Variants in NCAM1 observed in about 807,000 individuals in gnomAD.
NCAM1 encodes the protein antigen recognized by monoclonal antibody 5.1H11.
NCAM1 carries 14 observed loss-of-function variants against 109.8 expected under a neutral mutation model. The ratio of observed to expected loss-of-function variants is 0.13; its 90% CI spans 0.08 to 0.20. The LOEUF is 0.20. Ranked by LOEUF, NCAM1 falls within the 10% of genes least tolerant of loss-of-function variation. NCAM1 has a pLI of 1.00. For synonymous variants in NCAM1, 418 were observed against 442.9 expected (o/e 0.94, Z 0.70); for missense variants, 774 against 1,109.9 (o/e 0.70, Z 4.30).
chr11:113,079,841 A>G (rs1555086845), intron 1 of NCAM1, among the ~76,000 whole-genome samples: 1 of 152,174 alleles, frequency 6.6e-6, no homozygotes, highest in Non-Finnish European at 1.5e-5. Flanking sequence ...CCACTGTAAT[A>G]TAATAAAACT....
At chr11:113,183,222 T>G (rs1943387279) in intron 1 of NCAM1, among the ~76,000 whole-genome samples, 1 of 152,140 alleles carries the variant, frequency 6.6e-6, no homozygotes, top group Non-Finnish European at 1.5e-5. Context: ...CCTCTGCCTC[T>G]TTTATACTAA....
chr11:113,200,065 A>G (rs1438572313), intron 1 of NCAM1, among the ~76,000 whole-genome samples: 1 of 152,136 alleles, frequency 6.6e-6, no homozygotes, highest in African/African-American at 2.4e-5. Flanking sequence ...TTGGGATAAG[A>G]ATATCCTTCT....
chr11:112,993,439 TC>T, intron 1 of NCAM1, among the ~76,000 whole-genome samples: 1 of 152,154 alleles, frequency 6.6e-6, no homozygotes, highest in East Asian at 1.9e-4. Flanking sequence ...AGACCCCACC[TC>T]CAGCATTGGG....
At chr11:113,256,062 G>A in intron 16 of NCAM1, 61 bp downstream of exon 16, 2 of 1,551,628 alleles carry the variant, frequency 1.3e-6, no homozygotes, top group South Asian at 2.4e-5. Context: ...CAGCTTGCTA[G>A]GGAAACAACA....
At chr11:113,008,037 C>T (rs537823132) in intron 1 of NCAM1, among the ~76,000 whole-genome samples, 1 of 152,142 alleles carries the variant, frequency 6.6e-6, no homozygotes, top group Non-Finnish European at 1.5e-5. Flanking sequence ...ATTTAATTGA[C>T]AGCTTTTATT....
chr11:113,219,757 T>G (rs1311878141), intron 8 of NCAM1, among the ~76,000 whole-genome samples: 9 of 152,226 alleles, frequency 5.9e-5, no homozygotes, highest in Admixed American at 2.0e-4. Context: ...CAACTCAATG[T>G]GATAGAGTCT....
chr11:113,270,938 C>T (rs1591476836), intron 18 of NCAM1, among the ~76,000 whole-genome samples: 1 of 152,124 alleles, frequency 6.6e-6, no homozygotes, highest in Non-Finnish European at 1.5e-5. Context: ...GATCCTAAGC[C>T]AGTTAGCAAG....
chr11:113,098,453 A>G (rs988312707), intron 1 of NCAM1, among the ~76,000 whole-genome samples: 2 of 149,956 alleles, frequency 1.3e-5, no homozygotes, highest in African/African-American at 4.9e-5. Flanking sequence ...TTTTATTTGT[A>G]TTATTATTAT....
intron 4 of NCAM1, among the ~76,000 whole-genome samples, 186 bp from the exon 5 acceptor site, chr11:113,205,857 G>C (rs531203109): frequency 1.3e-5 from 2 of 152,138 alleles, no homozygotes; most frequent in East Asian, 3.8e-4. Flanking sequence ...TCTCCAGTAC[G>C]AAAGACAAAT....
chr11:113,215,943 T>A (rs1555114318), intron 8 of NCAM1, among the ~76,000 whole-genome samples: 1 of 152,172 alleles, frequency 6.6e-6, no homozygotes, highest in Non-Finnish European at 1.5e-5. Flanking sequence ...AAAAGTAGAT[T>A]TTTGTCCAGA....
At chr11:113,079,082 G>T (rs563978805) in intron 1 of NCAM1, among the ~76,000 whole-genome samples, 1 of 152,132 alleles carries the variant, frequency 6.6e-6, no homozygotes. Flanking sequence ...AGGGGCACCC[G>T]TGGCCTCTGA....
At chr11:113,271,715 C>G in intron 18 of NCAM1, 45 bp from the exon 19 acceptor site, 1 of 1,455,210 alleles carries the variant, frequency 6.9e-7, no homozygotes, top group Non-Finnish European at 9.4e-7. Flanking sequence ...GGGAGCCCCT[C>G]CCTGCAGCTG....
intron 9 of NCAM1, among the ~76,000 whole-genome samples, chr11:113,229,534 A>C (rs1944942114): frequency 6.6e-6 from 1 of 152,224 alleles, no homozygotes; most frequent in Non-Finnish European, 1.5e-5. Context: ...GCGATTCCTC[A>C]GGGATCTAGA....
At position 113,263,194 on chromosome 11, in the gene NCAM1, T is replaced by A. The variant is rs1946056854; in HGVS notation, c.2131+2871T>A. 6 of 1,128,810 alleles carry A rather than the reference T, an allele frequency of 5.3e-6. 1 individual carries two copies. In the Admixed American group the frequency reaches 2.2e-4, roughly 42 times the overall value. The allele number at this position is 1,128,810 out of a possible 1,614,324, so 69.9% of individuals were successfully genotyped here. A position where few individuals can be genotyped will look rare whatever the true frequency, so the allele number is the denominator to read the frequency against. The stretch of plus-strand genomic sequence containing the variant: ...GAGCTCTTTCTTTAAATGCTATTTT[T>A]AAAAACCATCATGCTAGATTTACAG... On this transcript the variant is annotated intron_variant, in intron 17 of 19. Coordinates refer to ENST00000316851, the MANE Select transcript of NCAM1 (RefSeq NM_181351.5).
chr11:113,208,570 A>G (rs1944306570), intron 7 of NCAM1, among the ~76,000 whole-genome samples: 1 of 151,468 alleles, frequency 6.6e-6, no homozygotes. Context: ...CACCATTCAG[A>G]TCTTAACTCA....
intron 8 of NCAM1, among the ~76,000 whole-genome samples, chr11:113,219,284 T>A (rs1167099383): frequency 6.6e-6 from 1 of 152,116 alleles, no homozygotes; most frequent in East Asian, 1.9e-4. Context: ...GAGAAAAAAA[T>A]TCCTCATTCA....
intron 9 of NCAM1, among the ~76,000 whole-genome samples, chr11:113,230,782 C>A (rs1239710346): frequency 1.3e-5 from 2 of 152,194 alleles, no homozygotes; most frequent in African/African-American, 2.4e-5. Flanking sequence ...GAAGTTAAGC[C>A]ACATGCCTAG....
chr11:113,036,015 T>A (rs1303240108), intron 1 of NCAM1, among the ~76,000 whole-genome samples: 1 of 151,942 alleles, frequency 6.6e-6, no homozygotes, highest in African/African-American at 2.4e-5. Flanking sequence ...GCCCAGTCAC[T>A]TCTCTGCTCC....
chr11:113,217,677 C>T (rs1240999375), intron 8 of NCAM1, among the ~76,000 whole-genome samples: 1 of 152,132 alleles, frequency 6.6e-6, no homozygotes, highest in East Asian at 1.9e-4. Flanking sequence ...TTTACATGAT[C>T]CCCATTTAAG....
Sources: allele counts gnomAD v4.1 joint callset (sites outside exome capture counted in the v4.1 genomes callset), GRCh38; gene constraint gnomAD v4.1.1; transcripts MANE v1.5; gene names NCBI Gene and HGNC (gene_info 2026-07-23, HGNC 2026-07-21).